The following MAST4 variants were observed in gnomAD, a reference collection of about 807,000 sequenced individuals.
MAST4 encodes microtubule-associated serine/threonine-protein kinase 4.
In MAST4, 89 loss-of-function variants were observed where a neutral mutation model predicts 162.7. The observed-to-expected ratio is 0.55, with a 90% CI of 0.46 to 0.65. MAST4 has a LOEUF of 0.65. Among genes scored for constraint, MAST4 ranks in the 30% least tolerant of loss-of-function variants. The pLI is 0.00. For synonymous variants in MAST4, 1,479 were observed against 1,361.1 expected, an observed-to-expected ratio of 1.09 and a Z score of -1.91; for missense variants, 3,153 against 3,374.0, an observed-to-expected ratio of 0.93 and a Z score of 1.62.
At chr5:66,690,054 T>G (rs1026334503) in intron 1 of MAST4, among the ~76,000 whole-genome samples, 8 of 152,142 alleles carry the variant, frequency 5.3e-5, no homozygotes, top group Non-Finnish European at 1.2e-4. Context: ...CCATAAGTAA[T>G]GATTAATCTG....
intron 3 of MAST4, among the ~76,000 whole-genome samples, chr5:66,869,993 C>T (rs909436452): frequency 6.6e-6 from 1 of 152,116 alleles, no homozygotes; most frequent in Non-Finnish European, 1.5e-5. Flanking sequence ...TAATGAGGCC[C>T]CATTCCAAAC....
intron 4 of MAST4, among the ~76,000 whole-genome samples, chr5:66,990,940 AT>A (rs11291930): frequency 0.82 from 124,687 of 152,072 alleles, 51,211 homozygotes; most frequent in East Asian, 0.87. Flanking sequence ...GATTCTTTGG[AT>A]TAAAAAAATA....
At chr5:67,051,404 G>A (rs1758165339) in intron 4 of MAST4, among the ~76,000 whole-genome samples, 1 of 152,114 alleles carries the variant, frequency 6.6e-6, no homozygotes, top group Admixed American at 6.5e-5. Context: ...ACAGAGGTCA[G>A]CTCAGCATTT....
intron 3 of MAST4, among the ~76,000 whole-genome samples, chr5:66,891,441 T>C (rs1762357384): frequency 6.6e-6 from 1 of 152,206 alleles, no homozygotes; most frequent in Non-Finnish European, 1.5e-5. Flanking sequence ...CCCAGAGCCA[T>C]GTGACACCCT....
At chr5:66,662,075 CTT>C (rs34694800) in intron 1 of MAST4, among the ~76,000 whole-genome samples, 1 of 144,568 alleles carries the variant, frequency 6.9e-6, no homozygotes, top group Non-Finnish European at 1.5e-5. Context: ...TAGTTAATCC[CTT>C]TTTTTTTTTA....
At chr5:66,901,608 C>T (rs966218166) in intron 4 of MAST4, among the ~76,000 whole-genome samples, 1 of 152,094 alleles carries the variant, frequency 6.6e-6, no homozygotes, top group Non-Finnish European at 1.5e-5. Context: ...ACATCAGAGC[C>T]ATTTAAACTC....
intron 4 of MAST4, among the ~76,000 whole-genome samples, chr5:67,039,976 T>C (rs1038209094): frequency 6.6e-6 from 1 of 150,808 alleles, no homozygotes; most frequent in Non-Finnish European, 1.5e-5. Flanking sequence ...TATATATATA[T>C]ATATGTGTGT....
intron 6 of MAST4, among the ~76,000 whole-genome samples, chr5:67,091,771 G>A (rs993386552): frequency 5.9e-5 from 9 of 152,166 alleles, no homozygotes; most frequent in Middle Eastern, 3.4e-3. Context: ...TCAAGGACAC[G>A]TGAATCTGGT....
chr5:67,155,999 C>T (rs1054075611), intron 26 of MAST4, among the ~76,000 whole-genome samples: 4 of 149,244 alleles, frequency 2.7e-5, no homozygotes, highest in African/African-American at 7.4e-5. Context: ...GCGGAGGTTG[C>T]AGTGGGCCAA....
chr5:66,896,419 ATTG>A (rs1762685680), intron 3 of MAST4, among the ~76,000 whole-genome samples: 1 of 152,114 alleles, frequency 6.6e-6, no homozygotes, highest in Non-Finnish European at 1.5e-5. Flanking sequence ...TAATGTTGCT[ATTG>A]TTCCCTTTTT....
chr5:66,747,575 C>T (rs1005955840), intron 1 of MAST4, among the ~76,000 whole-genome samples: 1 of 152,164 alleles, frequency 6.6e-6, no homozygotes, highest in Admixed American at 6.5e-5. Flanking sequence ...GTGGCATGAA[C>T]AATTTTTGCT....
intron 2 of MAST4, among the ~76,000 whole-genome samples, chr5:66,774,969 A>G (rs1196514696): frequency 6.6e-6 from 1 of 151,330 alleles, no homozygotes; most frequent in African/African-American, 2.4e-5. Context: ...GGCATTACAC[A>G]TAGACATTCG....
In MAST4 at chr5:67,125,659, G is replaced by A. The variant is rs191946167; in HGVS notation, c.1746-4551G>A. Among the ~76,000 whole-genome samples, 351 of 152,168 alleles carry A rather than the reference G, an allele frequency of 2.3e-3. 4 individuals carry two copies. Among genetic ancestry groups the A allele is most frequent in the African/African-American group, 7.8e-3 (323 of 41,522 alleles). On this transcript the variant is annotated intron_variant, in intron 14 of 28. Transcript: ENST00000403625. ...TCCTTATCCAGTCTATCATTGATGG[G>A]CATTTGGGTTGGTTCCAAGTCTTTG...
At chr5:67,088,487 G>A (rs1202879906) in intron 5 of MAST4, among the ~76,000 whole-genome samples, 1 of 152,074 alleles carries the variant, frequency 6.6e-6, no homozygotes, top group Non-Finnish European at 1.5e-5. Context: ...TTTCCTTTAG[G>A]AAACAAAATT....
intron 5 of MAST4, among the ~76,000 whole-genome samples, chr5:67,081,750 A>G (rs945483812): frequency 1.5e-4 from 23 of 152,330 alleles, no homozygotes; most frequent in African/African-American, 5.5e-4. Flanking sequence ...TTATTTTTAA[A>G]TATTCTAGTG....
intron 14 of MAST4, among the ~76,000 whole-genome samples, chr5:67,129,124 G>T (rs1207567752): frequency 6.6e-6 from 1 of 152,182 alleles, no homozygotes; most frequent in Non-Finnish European, 1.5e-5. Context: ...TGGTCTGGTT[G>T]TAAAGTTCCC....
At chr5:66,780,434 CT>C (rs1754808421) in intron 2 of MAST4, among the ~76,000 whole-genome samples, 1 of 152,140 alleles carries the variant, frequency 6.6e-6, no homozygotes, top group Non-Finnish European at 1.5e-5. Context: ...GAGTTTATTC[CT>C]TCAGATATGT....
chr5:67,090,891 G>A (rs1051072248), intron 6 of MAST4, among the ~76,000 whole-genome samples: 15 of 152,050 alleles, frequency 9.9e-5, no homozygotes, highest in African/African-American at 2.9e-4. Flanking sequence ...GCTTCGCCCT[G>A]TCAGATGCAA....
chr5:66,920,842 A>T (rs1203772604), intron 4 of MAST4, among the ~76,000 whole-genome samples: 1 of 152,044 alleles, frequency 6.6e-6, no homozygotes, highest in Non-Finnish European at 1.5e-5. Context: ...ATTTCTAATG[A>T]CTCTGGAAGA....
Sources: gnomAD v4.1 joint callset for allele counts (sites outside exome capture counted in the v4.1 genomes callset) on GRCh38, gnomAD v4.1.1 for gene constraint, MANE v1.5 for transcripts, NCBI Gene and HGNC (gene_info 2026-07-23, HGNC 2026-07-21) for gene names.